ANO3: variants seen among roughly 807,000 people sequenced by gnomAD.
ANO3 encodes the protein anoctamin 3.
ANO3 carries 99 observed loss-of-function variants against 144.8 expected under a neutral mutation model. The ratio of observed to expected loss-of-function variants is 0.68; its 90% CI spans 0.58 to 0.81. ANO3 has a LOEUF of 0.81. Ranked by LOEUF, ANO3 falls within the 30% of genes least tolerant of loss-of-function variation. The pLI is 0.00. For missense variants in ANO3, 905 were observed against 1,202.2 expected (o/e 0.75, Z 3.66); for synonymous variants, 414 against 392.6 (o/e 1.05, Z -0.64).
chr11:26,273,318 C>T (rs556121817), intron 1 of ANO3, among the ~76,000 whole-genome samples: 1 of 151,390 alleles, frequency 6.6e-6, no homozygotes, highest in South Asian at 2.1e-4. Flanking sequence ...GGTCTATTTG[C>T]CCCCATACAC....
At position 26,546,967 on chromosome 11, in the gene ANO3, T is replaced by C. The variant is rs188654561; in HGVS notation, c.1155-449T>C. Among the ~76,000 whole-genome samples, 4 of 151,876 alleles carry C rather than the reference T, an allele frequency of 2.6e-5. No individual in the cohort carries two copies. The East Asian group carries it at 7.8e-4, about 30-fold the overall frequency. ...GGAAGATGTGACATAATGGTGCACA[T>C]TGTGTCTAGCATAAGGGTGTCTGGT... On this transcript the variant is annotated intron_variant, in intron 11 of 26. Coordinates refer to ENST00000256737, the MANE Select transcript of ANO3 (RefSeq NM_031418.4).
chr11:26,208,527 AG>A (rs1039903110), intron 1 of ANO3, among the ~76,000 whole-genome samples: 2 of 148,176 alleles, frequency 1.3e-5, no homozygotes, highest in African/African-American at 4.9e-5. Flanking sequence ...AAAAAAAAAA[AG>A]GAATTGCAGG....
chr11:26,238,885 T>A (rs1164809031), intron 1 of ANO3, among the ~76,000 whole-genome samples: 1 of 151,962 alleles, frequency 6.6e-6, no homozygotes, highest in African/African-American at 2.4e-5. Context: ...CTGTTTCAAA[T>A]CATTATTCAA....
intron 1 of ANO3, among the ~76,000 whole-genome samples, chr11:26,255,973 A>T (rs577672657): frequency 5.9e-5 from 9 of 152,288 alleles, no homozygotes; most frequent in African/African-American, 1.9e-4. Flanking sequence ...CTCTGGAATG[A>T]TATTCATTTT....
At chr11:26,554,081 C>T (rs724203) in intron 13 of ANO3, among the ~76,000 whole-genome samples, 17,339 of 152,088 alleles carry the variant, frequency 0.11, 1,444 homozygotes, top group African/African-American at 0.22. Context: ...CACGCCCTTT[C>T]AATCCCTGCC....
chr11:26,596,641 G>A (rs1050432232), intron 14 of ANO3, among the ~76,000 whole-genome samples: 11 of 152,150 alleles, frequency 7.2e-5, no homozygotes, highest in Admixed American at 2.6e-4. Flanking sequence ...ACTTGGGAAC[G>A]GAAGTGAAAG....
chr11:26,290,383 T>C (rs1012675538), intron 1 of ANO3, among the ~76,000 whole-genome samples: 9 of 152,186 alleles, frequency 5.9e-5, no homozygotes, highest in African/African-American at 2.4e-5. Flanking sequence ...ATTGATTTTT[T>C]GAAGGGATTT....
chr11:26,202,498 T>C (rs1851716546), intron 1 of ANO3, among the ~76,000 whole-genome samples: 1 of 151,622 alleles, frequency 6.6e-6, no homozygotes, highest in African/African-American at 2.4e-5. Context: ...TGTGCTATAG[T>C]AAATTTGTGA....
At chr11:26,640,895 A>G (rs886835991) in intron 21 of ANO3, among the ~76,000 whole-genome samples, 1 of 152,108 alleles carries the variant, frequency 6.6e-6, no homozygotes, top group Admixed American at 6.5e-5. Flanking sequence ...GATCGCCTCA[A>G]CTCTCACCTC....
intron 1 of ANO3, among the ~76,000 whole-genome samples, chr11:26,250,581 A>G (rs1455752938): frequency 2.0e-5 from 3 of 152,198 alleles, no homozygotes; most frequent in Non-Finnish European, 2.9e-5. Context: ...ATGTTGAAGC[A>G]CTTTACCATC....
At chr11:26,463,456 T>A (rs1175146320) in intron 4 of ANO3, among the ~76,000 whole-genome samples, 2 of 151,888 alleles carry the variant, frequency 1.3e-5, no homozygotes, top group East Asian at 3.9e-4. Context: ...AGAACATGGA[T>A]TTTAGTATCA....
intron 1 of ANO3, among the ~76,000 whole-genome samples, chr11:26,344,522 T>C (rs1855451215): frequency 1.3e-5 from 2 of 151,830 alleles, no homozygotes; most frequent in African/African-American, 2.4e-5. Context: ...CCTGCCACCA[T>C]GCCGGCTGAT....
At chr11:26,617,903 G>A (rs1852306709) in intron 17 of ANO3, among the ~76,000 whole-genome samples, 1 of 152,094 alleles carries the variant, frequency 6.6e-6, no homozygotes, top group Non-Finnish European at 1.5e-5. Context: ...TGAATATACA[G>A]GATTAACCTA....
chr11:26,586,195 C>T (rs1447708168), intron 14 of ANO3, among the ~76,000 whole-genome samples: 2 of 152,078 alleles, frequency 1.3e-5, no homozygotes, highest in Non-Finnish European at 2.9e-5. Context: ...GAGATTTTGA[C>T]TTAATTGGTC....
intron 15 of ANO3, 51 bp from the exon 16 acceptor site, chr11:26,598,806 GT>G: frequency 9.5e-6 from 15 of 1,573,694 alleles, no homozygotes; most frequent in South Asian, 1.2e-5. Context: ...TTGGGGGTAT[GT>G]TTTTTTAGTT....
chr11:26,255,958 T>C (rs758561779), intron 1 of ANO3, among the ~76,000 whole-genome samples: 20 of 152,102 alleles, frequency 1.3e-4, no homozygotes, highest in Non-Finnish European at 2.5e-4. Flanking sequence ...CATCTGCCAG[T>C]AGGCCTCTGG....
chr11:26,363,035 G>A (rs1422854490), intron 1 of ANO3, among the ~76,000 whole-genome samples: 1 of 152,148 alleles, frequency 6.6e-6, no homozygotes, highest in Non-Finnish European at 1.5e-5. Context: ...TTAAATGCAT[G>A]TACCAAGAAA....
At chr11:26,608,063 C>T (rs185826251) in intron 17 of ANO3, among the ~76,000 whole-genome samples, 7 of 152,258 alleles carry the variant, frequency 4.6e-5, no homozygotes, top group Admixed American at 3.9e-4. Context: ...TTCTCATCTT[C>T]GTTAGTTTGT....
intron 1 of ANO3, among the ~76,000 whole-genome samples, chr11:26,218,340 A>T (rs1246956021): frequency 7.4e-6 from 1 of 134,782 alleles, no homozygotes; most frequent in Non-Finnish European, 1.7e-5. Flanking sequence ...AGAACCCTTG[A>T]CTGGTAATTA....
Sources: gnomAD v4.1 joint callset for allele counts (sites outside exome capture counted in the v4.1 genomes callset) on GRCh38, gnomAD v4.1.1 for gene constraint, MANE v1.5 for transcripts, NCBI Gene and HGNC (gene_info 2026-07-23, HGNC 2026-07-21) for gene names.